Variants in PCDHA7 observed in about 807,000 individuals in gnomAD.
PCDHA7 encodes protocadherin alpha-7.
A neutral mutation model predicts 57.2 loss-of-function variants in PCDHA7; 37 were observed. The ratio of observed to expected loss-of-function variants is 0.65; its 90% CI spans 0.50 to 0.85. The LOEUF (loss-of-function observed/expected upper bound fraction) is 0.85. PCDHA7 is among the 40% of genes least tolerant of loss of function. PCDHA7 has a pLI of 0.00. For missense variants in PCDHA7, 1,188 were observed against 1,241.8 expected, an observed-to-expected ratio of 0.96 and a Z score of 0.65; for synonymous variants, 553 against 558.8, an observed-to-expected ratio of 0.99 and a Z score of 0.15.
chr5:140,980,360 G>A (rs1173525969), intron 2 of PCDHA7, among the ~76,000 whole-genome samples: 4 of 152,142 alleles, frequency 2.6e-5, no homozygotes, highest in Middle Eastern at 3.2e-3. Context: ...GACTGGGCGC[G>A]GTGGCTCACA....
At chr5:140,841,286 A>G in intron 1 of PCDHA7, 2 of 1,545,812 alleles carry the variant, frequency 1.3e-6, no homozygotes, top group Non-Finnish European at 1.7e-6. Context: ...TCTTTATATT[A>G]AGATAATATT....
At chr5:140,863,416 C>G (rs782237036) in intron 1 of PCDHA7, 14 of 719,640 alleles carry the variant, frequency 1.9e-5, no homozygotes, top group African/African-American at 3.6e-5. Context: ...GCTGGTGTAC[C>G]GCAGCGTAGT....
chr5:140,974,350 C>A (rs555781549), intron 1 of PCDHA7, among the ~76,000 whole-genome samples: 1 of 152,186 alleles, frequency 6.6e-6, no homozygotes, highest in African/African-American at 2.4e-5. Context: ...GCATCCAGAA[C>A]TAAACAGACC....
chr5:140,972,773 T>C (rs201511055), intron 1 of PCDHA7, among the ~76,000 whole-genome samples: 2 of 151,600 alleles, frequency 1.3e-5, no homozygotes, highest in African/African-American at 2.4e-5. Context: ...AAGTGATTCT[T>C]CTGCCTCAGC....
At chr5:140,922,863 G>A (rs1429324543) in intron 1 of PCDHA7, among the ~76,000 whole-genome samples, 10 of 152,160 alleles carry the variant, frequency 6.6e-5, no homozygotes, top group Admixed American at 5.2e-4. Context: ...ACATAGACAA[G>A]GGGAAAAAAT....
intron 3 of PCDHA7, among the ~76,000 whole-genome samples, chr5:140,997,131 C>G (rs577407385): frequency 6.6e-6 from 1 of 152,008 alleles, no homozygotes; most frequent in Admixed American, 6.6e-5. Flanking sequence ...ACACAATGCC[C>G]CCACACCCCC....
intron 3 of PCDHA7, among the ~76,000 whole-genome samples, chr5:140,997,635 A>C (rs1317325954): frequency 6.6e-6 from 1 of 151,942 alleles, no homozygotes; most frequent in Non-Finnish European, 1.5e-5. Context: ...CAAAAAGCAA[A>C]ATGGGATAAT....
At chr5:140,854,204 A>G in intron 1 of PCDHA7, 1 of 510,702 alleles carries the variant, frequency 2.0e-6, no homozygotes, top group Non-Finnish European at 2.5e-6. Flanking sequence ...CCTACTTTTT[A>G]TTCAATATTG....
chr5:140,926,679 C>T (rs1348629347), intron 1 of PCDHA7: 26 of 638,064 alleles, frequency 4.1e-5, no homozygotes, highest in Middle Eastern at 4.4e-4. Context: ...GCCCAGCCTC[C>T]AGCCTAGCAA....
At chr5:140,993,509 CGGGGAGAGAGAG>C (rs1563592888) in intron 3 of PCDHA7, among the ~76,000 whole-genome samples, 1 of 143,490 alleles carries the variant, frequency 7.0e-6, no homozygotes, top group Admixed American at 7.0e-5. Context: ...CACACACACA[CGGGGAGAGAGAG>C]ACAGAGAGAG....
In PCDHA7 at chr5:140,876,137, T is replaced by TA. The variant is rs781824852; in HGVS notation, c.2355+39401dup. The TA allele has an allele frequency of 1.3e-5, 21 of 1,613,798 alleles. No individual in the cohort carries two copies. The Middle Eastern group carries it at 4.9e-4, about 38-fold the overall frequency. On this transcript the variant is annotated intron_variant, in intron 1 of 3. Coordinates refer to ENST00000525929, the MANE Select transcript of PCDHA7 (RefSeq NM_018910.3). Reference sequence around the variant, plus strand: ...GTAATCGATGGCGGTAAACCAGAACTAACAGGGTCTGTCCAGATTCAAATA... The same window carrying TA: ...GTAATCGATGGCGGTAAACCAGAACTAAACAGGGTCTGTCCAGATTCAAATA...
In PCDHA7 at chr5:141,010,121, T is replaced by C; in HGVS notation, c.*184T>C. The C allele has an allele frequency of 1.2e-6, 2 of 1,606,996 alleles. No homozygotes were observed. The highest frequency in any genetic ancestry group is 1.7e-6 in the Non-Finnish European group (2 of 1,176,140). On this transcript the variant is annotated 3_prime_UTR_variant, in exon 4 of 4. Transcript: ENST00000525929. ...ACAGGTTTTGTCGTAAAAGCTTTAC[T>C]AAGTCTGGTGTTAACTCTTTCTCTC... is the stretch of plus-strand genomic sequence containing the variant.
At chr5:140,838,675 C>A (rs1006431084) in intron 1 of PCDHA7, among the ~76,000 whole-genome samples, 8 of 152,016 alleles carry the variant, frequency 5.3e-5, no homozygotes, top group Admixed American at 1.3e-4. Flanking sequence ...GTGGCACACA[C>A]CTTTAACCCC....
At chr5:140,875,336 G>C in intron 1 of PCDHA7, 1 of 1,438,564 alleles carries the variant, frequency 7.0e-7, no homozygotes, top group Non-Finnish European at 9.1e-7. Flanking sequence ...GAATAGGATC[G>C]ACTCCATAAT....
rs141558342 is a variant in PCDHA7 at position 140,862,206 on chromosome 5, T to G, written c.2355+25468T>G. The G allele has an allele frequency of 1.6e-3, 319 of 195,694 alleles. 1 individual carries two copies. The highest frequency in any genetic ancestry group is 7.0e-3 in the African/African-American group (300 of 43,022). 12.1% of individuals were successfully genotyped at this position (195,694 alleles called of 1,614,324 possible). A position where few individuals can be genotyped will look rare whatever the true frequency, so the allele number is the denominator to read the frequency against. On this transcript the variant is annotated intron_variant, in intron 1 of 3. Transcript: ENST00000525929. ...AGGCAATTCCCCAATGTTTGATCAC[T>G]GCACAGACTTGATAGAAGTCTTGGA...
intron 1 of PCDHA7, among the ~76,000 whole-genome samples, chr5:140,930,807 A>G (rs2087132034): frequency 6.6e-6 from 1 of 152,206 alleles, no homozygotes; most frequent in Non-Finnish European, 1.5e-5. Flanking sequence ...AGCATATAAG[A>G]TATGCTTAGT....
intron 1 of PCDHA7, among the ~76,000 whole-genome samples, chr5:140,957,658 G>T (rs2095373813): frequency 6.6e-6 from 1 of 151,932 alleles, no homozygotes; most frequent in Non-Finnish European, 1.5e-5. Flanking sequence ...TTCAATCATG[G>T]AGTAAAAATT....
chr5:140,875,752 A>G lies in PCDHA7; in HGVS notation c.2355+39014A>G, dbSNP rs782489258. On this transcript the variant is annotated intron_variant, in intron 1 of 3. Transcript: ENST00000525929. ...TGTGAATTCTCGGATCGACCGCGAGAAGCTGTGCGGGCGGAGCGCGGAGTG... is the reference window on the plus strand; with the variant it reads ...TGTGAATTCTCGGATCGACCGCGAGGAGCTGTGCGGGCGGAGCGCGGAGTG... 53 of 1,614,084 alleles carry G rather than the reference A, an allele frequency of 3.3e-5. No homozygotes were observed. The highest frequency in any genetic ancestry group is 3.2e-4 in the African/African-American group (24 of 74,918).
At chr5:140,949,745 T>C (rs114918785) in intron 1 of PCDHA7, among the ~76,000 whole-genome samples, 49 of 152,020 alleles carry the variant, frequency 3.2e-4, no homozygotes, top group African/African-American at 1.1e-3. Context: ...ACTGAAGTGC[T>C]TAGCCCATTC....
Sources: gnomAD v4.1 joint callset for allele counts (sites outside exome capture counted in the v4.1 genomes callset) on GRCh38, gnomAD v4.1.1 for gene constraint, MANE v1.5 for transcripts, NCBI Gene and HGNC (gene_info 2026-07-23, HGNC 2026-07-21) for gene names.